Variants in LRCH1 observed in about 807,000 individuals in gnomAD.
The protein encoded by LRCH1 is leucine rich repeats and calponin homology domain containing 1, also known as leucine-rich repeat and calponin homology domain-containing protein 1.
LRCH1 carries 23 observed loss-of-function variants against 94.9 expected under a neutral mutation model. The ratio of observed to expected loss-of-function variants is 0.24; its 90% CI spans 0.17 to 0.34. The LOEUF (loss-of-function observed/expected upper bound fraction) is 0.34, where lower values mean the gene tolerates loss of function less well. LRCH1 is among the 10% of genes least tolerant of loss of function. The probability of loss-of-function intolerance (pLI) is 1.00; values close to 1 mark genes in which losing one functional copy is unlikely to be tolerated. For missense variants in LRCH1, 790 were observed against 945.9 expected (o/e 0.84, Z 2.16); for synonymous variants, 364 against 354.9 (o/e 1.03, Z -0.29).
At chr13:46,703,656 T>C (rs1317634561) in intron 11 of LRCH1, among the ~76,000 whole-genome samples, 2 of 152,198 alleles carry the variant, frequency 1.3e-5, no homozygotes, top group Non-Finnish European at 2.9e-5. Context: ...TTTAAGTATA[T>C]TATACTCTTT....
At chr13:46,601,082 G>A (rs1015096315) in intron 1 of LRCH1, among the ~76,000 whole-genome samples, 24 of 152,192 alleles carry the variant, frequency 1.6e-4, no homozygotes, top group Admixed American at 2.0e-4. Context: ...CACCCTATCC[G>A]TTAAAGGGCT....
chr13:46,744,042 T>C lies in LRCH1; in HGVS notation c.*2194T>C. On this transcript the variant is annotated 3_prime_UTR_variant, in exon 20 of 20. Coordinates refer to ENST00000389797, the MANE Select transcript of LRCH1 (RefSeq NM_001164211.2). ...GCAGAACACAATTAATTTAGTCCTT[T>C]AGGCAAAAATTTGAATGAACTGTTC... is the stretch of plus-strand genomic sequence containing the variant. 1 of 985,442 alleles carries C rather than the reference T, an allele frequency of 1.0e-6. No individual in the cohort carries two copies. The highest frequency in any genetic ancestry group is 1.2e-6 in the Non-Finnish European group (1 of 829,938). The allele number at this position is 985,442 out of a possible 1,614,324, so 61.0% of individuals were successfully genotyped here.
At chr13:46,575,776 T>A (rs1045288796) in intron 1 of LRCH1, among the ~76,000 whole-genome samples, 1 of 152,196 alleles carries the variant, frequency 6.6e-6, no homozygotes, top group Non-Finnish European at 1.5e-5. Context: ...GTAAGTCATG[T>A]TTTCTTTCTC....
chr13:46,599,404 A>C (rs2050601607), intron 1 of LRCH1, among the ~76,000 whole-genome samples: 1 of 151,990 alleles, frequency 6.6e-6, no homozygotes, highest in African/African-American at 2.4e-5. Flanking sequence ...TTTATTTTTA[A>C]TTTTTTTGAG....
Position 46,694,351 on chromosome 13 carries a change from G to GCTGTCA in LRCH1, c.1121-540_1121-535dup, listed in dbSNP as rs572040937. Among the ~76,000 whole-genome samples the GCTGTCA allele has an allele frequency of 1.1e-4, 17 of 152,274 alleles. No individual in the cohort carries two copies. In the East Asian group the frequency reaches 3.3e-3, roughly 29 times the overall value. On this transcript the variant is annotated intron_variant, in intron 8 of 19. Coordinates refer to ENST00000389797, the MANE Select transcript of LRCH1 (RefSeq NM_001164211.2). ...AGGTGGAAGTGCCACATCTGGGCAT[G>GCTGTCA]CTGTCACCTCTGTGTGGCCCTTCTT...
chr13:46,734,394 G>A (rs1873267463), intron 19 of LRCH1, among the ~76,000 whole-genome samples: 1 of 152,162 alleles, frequency 6.6e-6, no homozygotes, highest in Admixed American at 6.5e-5. Flanking sequence ...AAGACCTGCT[G>A]ATTATTGATT....
chr13:46,600,891 G>A (rs2050620884), intron 1 of LRCH1, among the ~76,000 whole-genome samples: 1 of 152,186 alleles, frequency 6.6e-6, no homozygotes. Flanking sequence ...GATTCTGTTA[G>A]CGCTTTAAAG....
At chr13:46,666,188 G>T (rs1021500584) in intron 2 of LRCH1, among the ~76,000 whole-genome samples, 13 of 152,150 alleles carry the variant, frequency 8.5e-5, no homozygotes, top group African/African-American at 3.1e-4. Context: ...GACATATATG[G>T]AACATAAATA....
At chr13:46,741,557 T>C (rs903499053) in intron 19 of LRCH1, 85 bp from the exon 20 acceptor site, 1 of 1,562,810 alleles carries the variant, frequency 6.4e-7, no homozygotes, top group Non-Finnish European at 8.8e-7. Flanking sequence ...TAACCAAAAA[T>C]GTGTGCTTCT....
rs750253489 is a variant in LRCH1, at chr13:46,705,173, A to G, written c.1490+16A>G. On this transcript the variant is annotated intron_variant, in intron 12 of 19. Coordinates refer to ENST00000389797, the MANE Select transcript of LRCH1 (RefSeq NM_001164211.2). ...CTGCACTGAAGTATGCTTGCCTTTT[A>G]TAACAAATTATGTTTTCTCTTTTCA... 1.9e-6 allele frequency: 3 copies of G among 1,597,240 alleles called. No homozygotes were observed. Among genetic ancestry groups the G allele is most frequent in the Non-Finnish European group, 2.6e-6 (3 of 1,170,554 alleles).
intron 1 of LRCH1, among the ~76,000 whole-genome samples, chr13:46,624,124 T>G (rs1194312805): frequency 1.3e-5 from 2 of 152,054 alleles, no homozygotes; most frequent in Non-Finnish European, 2.9e-5. Context: ...CCTTAAATGA[T>G]CCTCCTGCCT....
intron 1 of LRCH1, among the ~76,000 whole-genome samples, chr13:46,586,232 A>G (rs2137952269): frequency 6.6e-6 from 1 of 152,258 alleles, no homozygotes; most frequent in Non-Finnish European, 1.5e-5. Flanking sequence ...GGCAGGGGAA[A>G]GATCAGGGGG....
chr13:46,572,874 A>T (rs2050255964), intron 1 of LRCH1, among the ~76,000 whole-genome samples: 1 of 152,070 alleles, frequency 6.6e-6, no homozygotes, highest in Non-Finnish European at 1.5e-5. Flanking sequence ...ACTGTATGTG[A>T]CAAGGATAGT....
chr13:46,623,693 G>GTTTTTTTTTTTTTTTTCTTTTTTTT (rs5803361), intron 1 of LRCH1, among the ~76,000 whole-genome samples: 3 of 128,502 alleles, frequency 2.3e-5, no homozygotes, highest in South Asian at 2.5e-4. Flanking sequence ...CCCTGTCTCT[G>GTTTTTTTTTTTTTTTTCTTTTTTTT]TTTTTTTTTT....
rs1290876094 is a variant in LRCH1 at position 46,744,234 on chromosome 13, G to C, written c.*2386G>C. ...TGACCTCCTTAGAGTCTGAGAAGTAGTCAGGGATGTCACTGAGTGGTTTAT... is the reference window on the plus strand; with the variant it reads ...TGACCTCCTTAGAGTCTGAGAAGTACTCAGGGATGTCACTGAGTGGTTTAT... On this transcript the variant is annotated 3_prime_UTR_variant, in exon 20 of 20. Transcript: ENST00000389797. The C allele has an allele frequency of 2.0e-6, 2 of 985,306 alleles. No individual in the cohort carries two copies. The highest frequency in any genetic ancestry group is 2.4e-6 in the Non-Finnish European group (2 of 829,950). 61.0% of individuals were successfully genotyped at this position (985,306 alleles called of 1,614,324 possible).
At chr13:46,655,026 G>A (rs2051352732) in intron 2 of LRCH1, among the ~76,000 whole-genome samples, 1 of 152,158 alleles carries the variant, frequency 6.6e-6, no homozygotes, top group African/African-American at 2.4e-5. Flanking sequence ...GATGCCATAT[G>A]AAGCTACTTT....
intron 2 of LRCH1, among the ~76,000 whole-genome samples, chr13:46,661,523 T>C (rs1310838023): frequency 6.6e-6 from 1 of 152,202 alleles, no homozygotes; most frequent in Non-Finnish European, 1.5e-5. Context: ...AGTAAGTGGA[T>C]TTTTTAGTAT....
chr13:46,715,046 A>G (rs185925130), intron 15 of LRCH1, among the ~76,000 whole-genome samples: 116 of 152,206 alleles, frequency 7.6e-4, no homozygotes, highest in Non-Finnish European at 3.2e-4. Context: ...TGCTTTGGAG[A>G]AAAAAAATCA....
intron 1 of LRCH1, among the ~76,000 whole-genome samples, chr13:46,608,179 G>A (rs2050708799): frequency 6.6e-6 from 1 of 152,174 alleles, no homozygotes; most frequent in Non-Finnish European, 1.5e-5. Context: ...TCTTAGTCCA[G>A]GCTCAGGTTT....
Sources: gnomAD v4.1 joint callset for allele counts (sites outside exome capture counted in the v4.1 genomes callset) on GRCh38, gnomAD v4.1.1 for gene constraint, MANE v1.5 for transcripts, NCBI Gene and HGNC (gene_info 2026-07-23, HGNC 2026-07-21) for gene names.